Variants in ATP6V1G2 observed in about 807,000 individuals in gnomAD.
ATP6V1G2 encodes the protein ATPase H+ transporting V1 subunit G2, also known as V-type proton ATPase subunit G 2.
Under a neutral mutation model 17.8 loss-of-function variants are expected in ATP6V1G2, and 14 were observed. That is an observed-to-expected ratio of 0.79 (90% CI 0.52 to 1.23). ATP6V1G2 has a LOEUF of 1.23. Among genes scored for constraint, ATP6V1G2 ranks in the 50% most tolerant of loss-of-function variants. The pLI, the probability that ATP6V1G2 is intolerant of heterozygous loss-of-function variation, is 0.00. For synonymous variants in ATP6V1G2, 57 were observed against 54.8 expected (o/e 1.04, Z -0.17); for missense variants, 112 against 152.2 (o/e 0.74, Z 1.39).
chr6:31,545,925 T>C lies in ATP6V1G2; in HGVS notation c.183+184A>G. The C allele has an allele frequency of 1.5e-6, 1 of 650,800 alleles. No homozygotes were observed. The highest frequency in any genetic ancestry group is 1.8e-5 in the South Asian group (1 of 54,902). The allele number at this position is 650,800 out of a possible 1,614,324, so 40.3% of individuals were successfully genotyped here. ...TTCCGCCCACAAGCTCTATGTGGCC[T>C]TCAAAACTCCCAGACTCTCCTACAT... On this transcript the variant is annotated intron_variant, in intron 2 of 2. Transcript: ENST00000303892. This position sits in a 1 kb window ranked among gnomAD's most constrained non-coding sequence, Gnocchi z 4.9.
rs904963421 is a variant in ATP6V1G2 at position 31,545,063 on chromosome 6, G to A, written c.*345C>T. ...CTACCAAGTTAAGTAGCTTGTCCTG[G>A]TTTCACAGCCAGCAAGTGACAGGGT... On this transcript the variant is annotated 3_prime_UTR_variant, in exon 3 of 3. Coordinates refer to ENST00000303892, the MANE Select transcript of ATP6V1G2 (RefSeq NM_130463.4). This position sits in a 1 kb window ranked among gnomAD's most constrained non-coding sequence, Gnocchi z 4.9. 5.9e-5 allele frequency: 26 copies of A among 439,338 alleles called. No individual in the cohort carries two copies. The East Asian group carries it at 1.1e-3, about 19-fold the overall frequency. 27.2% of individuals were successfully genotyped at this position (439,338 alleles called of 1,614,324 possible). A position where few individuals can be genotyped will look rare whatever the true frequency, so the allele number is the denominator to read the frequency against.
chr6:31,544,886 G>A lies in ATP6V1G2; in HGVS notation c.*522C>T. The A allele has an allele frequency of 2.4e-6, 1 of 418,398 alleles. No individual in the cohort carries two copies. Among genetic ancestry groups the A allele is most frequent in the Non-Finnish European group, 4.8e-6 (1 of 209,380 alleles). 25.9% of individuals were successfully genotyped at this position (418,398 alleles called of 1,614,324 possible). ...GGTTTTGACCAGTGAGCAGGTGGTG[G>A]TAATAGTATCACAGGGTTGCTACTT... On this transcript the variant is annotated 3_prime_UTR_variant, in exon 3 of 3. Transcript: ENST00000303892.
Position 31,545,575 on chromosome 6 carries a change from C to T in ATP6V1G2, c.190G>A (p.Gly64Ser). 1.9e-6 allele frequency: 3 copies of T among 1,613,756 alleles called. No individual in the cohort carries two copies. Among genetic ancestry groups the T allele is most frequent in the Non-Finnish European group, 2.5e-6 (3 of 1,179,908 alleles). The change falls in exon 3 of 3, where the codon GGC (glycine) becomes AGC (serine). Residue 64 changes from glycine (G) to serine (S), a missense_variant. Coordinates refer to ENST00000303892, the MANE Select transcript of ATP6V1G2 (RefSeq NM_130463.4). The surrounding 1 kb of genome is among the most constrained non-coding windows in gnomAD (Gnocchi z 4.9). ...EFQSKQQAAM[G>S]SQGNLSAEVE... is the part of the protein sequence containing the mutation. ...TCAGCAGACAGGTTCCCCTGGGAGC[C>T]CATGGCCTGGGGGGTAGGGAGAGGG...
upstream of ATP6V1G2, chr6:31,546,664 C>G (rs1487992818): frequency 9.6e-7 from 1 of 1,043,314 alleles, no homozygotes; most frequent in African/African-American, 1.6e-5. The surrounding 1 kb of genome is among the most constrained non-coding windows in gnomAD (Gnocchi z 4.1). Context: ...TGCAGTCCTC[C>G]ACTACCCCTG....
Position 31,544,646 on chromosome 6 carries a change from CAA to C in ATP6V1G2, c.*760_*761del, listed in dbSNP as rs974362111. ...GGAAAGGAGGAAAATCTAATAAAGACAAAGATCAGCAAAAGAAAAACAAAGAG... is the reference window on the plus strand; with the variant it reads ...GGAAAGGAGGAAAATCTAATAAAGACAGATCAGCAAAAGAAAAACAAAGAG... On this transcript the variant is annotated 3_prime_UTR_variant, in exon 3 of 3. Coordinates refer to ENST00000303892, the MANE Select transcript of ATP6V1G2 (RefSeq NM_130463.4). The C allele has an allele frequency of 2.2e-5, 10 of 446,160 alleles. No individual in the cohort carries two copies. The highest frequency in any genetic ancestry group is 4.0e-5 in the Non-Finnish European group (9 of 224,630). 27.6% of individuals were successfully genotyped at this position (446,160 alleles called of 1,614,324 possible).
At position 31,546,158 on chromosome 6, in the gene ATP6V1G2, T is replaced by C. The variant is rs751656100; in HGVS notation, c.134A>G (p.Glu45Gly). The C allele has an allele frequency of 4.3e-6, 7 of 1,614,048 alleles. No individual in the cohort carries two copies. Among genetic ancestry groups the C allele is most frequent in the Non-Finnish European group, 5.1e-6 (6 of 1,180,010 alleles). Residue 45 changes from glutamate (E) to glycine (G), a missense_variant, in exon 2 of 3, where the codon GAG becomes GGG. Transcript: ENST00000303892. This position sits in a 1 kb window ranked among gnomAD's most constrained non-coding sequence, Gnocchi z 4.1. ...QAKEEAQMEV[E>G]QYRREREHEF... ...GTGCTCTCGCTCTCTGCGGTATTGCTCCACCTCCATCTGTGCCTCCTCCTT... is the reference window on the plus strand; with the variant it reads ...GTGCTCTCGCTCTCTGCGGTATTGCCCCACCTCCATCTGTGCCTCCTCCTT...
upstream of ATP6V1G2, chr6:31,546,642 C>G (rs1769023989): frequency 1.5e-6 from 2 of 1,320,534 alleles, no homozygotes; most frequent in East Asian, 4.6e-5. The surrounding 1 kb of genome is among the most constrained non-coding windows in gnomAD (Gnocchi z 4.1). Context: ...TTCTCCTCCT[C>G]CAGCTCGTTG....
Position 31,545,183 on chromosome 6 carries a change from A to G in ATP6V1G2, c.*225T>C, listed in dbSNP as rs973240663. 3.2e-6 allele frequency: 2 copies of G among 616,786 alleles called. No homozygotes were observed. The highest frequency in any genetic ancestry group is 3.7e-5 in the African/African-American group (2 of 54,214). 38.2% of individuals were successfully genotyped at this position (616,786 alleles called of 1,614,324 possible). The stretch of plus-strand genomic sequence containing the variant: ...ACAAATTTCACAGAGGGTTTAGGTG[A>G]GAATGACTTGGAAGTTTACAAAGTC... On this transcript the variant is annotated 3_prime_UTR_variant, in exon 3 of 3. Coordinates refer to ENST00000303892, the MANE Select transcript of ATP6V1G2 (RefSeq NM_130463.4). The surrounding 1 kb of genome is among the most constrained non-coding windows in gnomAD (Gnocchi z 4.9).
In ATP6V1G2 at chr6:31,545,358, A is replaced by G. The variant is rs766073851; in HGVS notation, c.*50T>C. 2 of 1,577,820 alleles carry G rather than the reference A, an allele frequency of 1.3e-6. No individual in the cohort carries two copies. Among genetic ancestry groups the G allele is most frequent in the South Asian group, 2.3e-5 (2 of 87,210 alleles). ...GGTGGGAGGTGATTTTGATTGGAGG[A>G]TTTCTTTGAGGGAGGGAACTGGCAG... On this transcript the variant is annotated 3_prime_UTR_variant, in exon 3 of 3. Coordinates refer to ENST00000303892, the MANE Select transcript of ATP6V1G2 (RefSeq NM_130463.4). The surrounding 1 kb of genome is among the most constrained non-coding windows in gnomAD (Gnocchi z 4.9).
chr6:31,545,108 G>A lies in ATP6V1G2; in HGVS notation c.*300C>T, dbSNP rs1014813818. ...CAGGGTCAAGAGAGGGACCCACATC[G>A]GCCAGACACTGAAGTCAGGATGTTT... On this transcript the variant is annotated 3_prime_UTR_variant, in exon 3 of 3. Coordinates refer to ENST00000303892, the MANE Select transcript of ATP6V1G2 (RefSeq NM_130463.4). The surrounding 1 kb of genome is among the most constrained non-coding windows in gnomAD (Gnocchi z 4.9). 10 of 506,100 alleles carry A rather than the reference G, an allele frequency of 2.0e-5. No homozygotes were observed. Among genetic ancestry groups the A allele is most frequent in the African/African-American group, 1.1e-4 (6 of 52,252 alleles). 31.4% of individuals were successfully genotyped at this position (506,100 alleles called of 1,614,324 possible). A position where few individuals can be genotyped will look rare whatever the true frequency, so the allele number is the denominator to read the frequency against.
At position 31,545,647 on chromosome 6, in the gene ATP6V1G2, T is replaced by A; in HGVS notation, c.184-66A>T. On this transcript the variant is annotated intron_variant, in intron 2 of 2. Transcript: ENST00000303892. This position sits in a 1 kb window ranked among gnomAD's most constrained non-coding sequence, Gnocchi z 4.9. ...GCAGAAACAGACAAGGGTCCAGGCA[T>A]ATGAGGGGAAAGATCCTGAAACAAA... The A allele has an allele frequency of 6.6e-7, 1 of 1,520,498 alleles. No homozygotes were observed. The highest frequency in any genetic ancestry group is 8.9e-7 in the Non-Finnish European group (1 of 1,126,992). 94.2% of individuals were successfully genotyped at this position (1,520,498 alleles called of 1,614,324 possible).
chr6:31,545,143 C>T lies in ATP6V1G2; in HGVS notation c.*265G>A. 5.3e-6 allele frequency: 3 copies of T among 562,606 alleles called. No homozygotes were observed. The highest frequency in any genetic ancestry group is 9.4e-6 in the Non-Finnish European group (3 of 319,614). The allele number at this position is 562,606 out of a possible 1,614,324, so 34.9% of individuals were successfully genotyped here. ...TGAAGTCAGGATGTTTTCCACATTC[C>T]TACTTCCCCATATTACAAATTTCAC... On this transcript the variant is annotated 3_prime_UTR_variant, in exon 3 of 3. Transcript: ENST00000303892. The surrounding 1 kb of genome is among the most constrained non-coding windows in gnomAD (Gnocchi z 4.9).
chr6:31,545,184 G>T lies in ATP6V1G2; in HGVS notation c.*224C>A. The T allele has an allele frequency of 1.6e-6, 1 of 618,184 alleles. No individual in the cohort carries two copies. Among genetic ancestry groups the T allele is most frequent in the Non-Finnish European group, 2.8e-6 (1 of 358,994 alleles). The allele number at this position is 618,184 out of a possible 1,614,324, so 38.3% of individuals were successfully genotyped here. A position where few individuals can be genotyped will look rare whatever the true frequency, so the allele number is the denominator to read the frequency against. On this transcript the variant is annotated 3_prime_UTR_variant, in exon 3 of 3. Coordinates refer to ENST00000303892, the MANE Select transcript of ATP6V1G2 (RefSeq NM_130463.4). The surrounding 1 kb of genome is among the most constrained non-coding windows in gnomAD (Gnocchi z 4.9). ...CAAATTTCACAGAGGGTTTAGGTGA[G>T]AATGACTTGGAAGTTTACAAAGTCC...
rs138137681 is a variant in ATP6V1G2 at position 31,545,566 on chromosome 6, C to T, written c.199G>A (p.Gly67Arg). Residue 67 changes from glycine to arginine, a missense_variant, in exon 3 of 3, where the codon GGG becomes AGG. Gly to Arg is a moderately radical substitution (Grantham distance 125, BLOSUM62 -2). Transcript: ENST00000303892. This position sits in a 1 kb window ranked among gnomAD's most constrained non-coding sequence, Gnocchi z 4.9. ...TGCTCCACCTCAGCAGACAGGTTCCCCTGGGAGCCCATGGCCTGGGGGGTA... is the reference window on the plus strand; with the variant it reads ...TGCTCCACCTCAGCAGACAGGTTCCTCTGGGAGCCCATGGCCTGGGGGGTA... ...SKQQAAMGSQGNLSAEVEQAT... is the reference protein window; with the variant it reads ...SKQQAAMGSQRNLSAEVEQAT... The T allele has an allele frequency of 2.5e-6, 4 of 1,613,754 alleles. No homozygotes were observed. The highest frequency in any genetic ancestry group is 3.4e-6 in the Non-Finnish European group (4 of 1,179,956).
rs1163669737 is a variant in ATP6V1G2, at chr6:31,545,147, T to C, written c.*261A>G. 1 of 567,092 alleles carries C rather than the reference T, an allele frequency of 1.8e-6. No individual in the cohort carries two copies. The highest frequency in any genetic ancestry group is 2.9e-5 in the East Asian group (1 of 34,138). The allele number at this position is 567,092 out of a possible 1,614,324, so 35.1% of individuals were successfully genotyped here. Reference sequence around the variant, plus strand: ...GTCAGGATGTTTTCCACATTCCTACTTCCCCATATTACAAATTTCACAGAG... The same window carrying C: ...GTCAGGATGTTTTCCACATTCCTACCTCCCCATATTACAAATTTCACAGAG... On this transcript the variant is annotated 3_prime_UTR_variant, in exon 3 of 3. Coordinates refer to ENST00000303892, the MANE Select transcript of ATP6V1G2 (RefSeq NM_130463.4). This position sits in a 1 kb window ranked among gnomAD's most constrained non-coding sequence, Gnocchi z 4.9.
In ATP6V1G2 at chr6:31,545,904, G is replaced by A. The variant is rs924641500; in HGVS notation, c.183+205C>T. 1.6e-5 allele frequency: 10 copies of A among 622,196 alleles called. No individual in the cohort carries two copies. The highest frequency in any genetic ancestry group is 7.7e-5 in the South Asian group (4 of 52,142). 38.5% of individuals were successfully genotyped at this position (622,196 alleles called of 1,614,324 possible). A position where few individuals can be genotyped will look rare whatever the true frequency, so the allele number is the denominator to read the frequency against. ...TACTTTACACAGACTGTGGCATTCC[G>A]CCCACAAGCTCTATGTGGCCTTCAA... On this transcript the variant is annotated intron_variant, in intron 2 of 2. Transcript: ENST00000303892. The surrounding 1 kb of genome is among the most constrained non-coding windows in gnomAD (Gnocchi z 4.9).
chr6:31,545,816 C>T lies in ATP6V1G2; in HGVS notation c.184-235G>A. On this transcript the variant is annotated intron_variant, in intron 2 of 2. Transcript: ENST00000303892. The surrounding 1 kb of genome is among the most constrained non-coding windows in gnomAD (Gnocchi z 4.9). ...GACCGTAATATCCCCACCACCTCAC[C>T]ATCCATGACCATAAAACTCTACCCT... is the stretch of plus-strand genomic sequence containing the variant. 2 of 614,038 alleles carry T rather than the reference C, an allele frequency of 3.3e-6. No homozygotes were observed. The highest frequency in any genetic ancestry group is 5.7e-6 in the Non-Finnish European group (2 of 349,140). The allele number at this position is 614,038 out of a possible 1,614,324, so 38.0% of individuals were successfully genotyped here. A position where few individuals can be genotyped will look rare whatever the true frequency, so the allele number is the denominator to read the frequency against.
chr6:31,545,221 A>T lies in ATP6V1G2; in HGVS notation c.*187T>A. On this transcript the variant is annotated 3_prime_UTR_variant, in exon 3 of 3. Coordinates refer to ENST00000303892, the MANE Select transcript of ATP6V1G2 (RefSeq NM_130463.4). The surrounding 1 kb of genome is among the most constrained non-coding windows in gnomAD (Gnocchi z 4.9). Reference sequence around the variant, plus strand: ...AGTTTACAAAGTCCCAGTGAGGGTTAAAGAACAACAAGGAGATTCAGATGT... The same window carrying T: ...AGTTTACAAAGTCCCAGTGAGGGTTTAAGAACAACAAGGAGATTCAGATGT... The T allele has an allele frequency of 4.1e-6, 3 of 727,574 alleles. No individual in the cohort carries two copies. The allele number at this position is 727,574 out of a possible 1,614,324, so 45.1% of individuals were successfully genotyped here. A position where few individuals can be genotyped will look rare whatever the true frequency, so the allele number is the denominator to read the frequency against.
chr6:31,545,727 C>A lies in ATP6V1G2; in HGVS notation c.184-146G>T. The A allele has an allele frequency of 1.2e-6, 1 of 862,880 alleles. No individual in the cohort carries two copies. The highest frequency in any genetic ancestry group is 1.7e-6 in the Non-Finnish European group (1 of 575,918). The allele number at this position is 862,880 out of a possible 1,614,324, so 53.5% of individuals were successfully genotyped here. A position where few individuals can be genotyped will look rare whatever the true frequency, so the allele number is the denominator to read the frequency against. ...CCCCCATCCCACAGAAATATCCCAA[C>A]ACCAAAGAGATCAACACAGTCCCCT... On this transcript the variant is annotated intron_variant, in intron 2 of 2. Transcript: ENST00000303892. This position sits in a 1 kb window ranked among gnomAD's most constrained non-coding sequence, Gnocchi z 4.9.
Sources: allele counts gnomAD v4.1 joint callset, GRCh38; gene constraint gnomAD v4.1.1; non-coding constraint Gnocchi (gnomAD v3.1); transcripts MANE v1.5; gene names NCBI Gene and HGNC (gene_info 2026-07-23, HGNC 2026-07-21).